Variants in LRP12 observed in about 807,000 individuals in gnomAD.
LRP12 encodes the protein low-density lipoprotein receptor-related protein 12.
A neutral mutation model predicts 66.0 loss-of-function variants in LRP12; 14 were observed. The observed-to-expected ratio is 0.21, with a 90% CI of 0.14 to 0.33. The LOEUF (loss-of-function observed/expected upper bound fraction) is 0.33. Among genes scored for constraint, LRP12 ranks in the 10% least tolerant of loss-of-function variants. LRP12 has a pLI of 1.00. For synonymous variants in LRP12, 357 were observed against 359.1 expected (o/e 0.99, Z 0.07); for missense variants, 889 against 1,053.4 (o/e 0.84, Z 2.16).
chr8:104,553,132 G>T (rs11996875), intron 1 of LRP12, among the ~76,000 whole-genome samples: 1,971 of 152,284 alleles, frequency 0.013, 48 homozygotes, highest in African/African-American at 0.044. Flanking sequence ...CCTTGGGGAG[G>T]GCTGCCAGTG....
At chr8:104,514,875 A>G (rs1327546864) in intron 2 of LRP12, among the ~76,000 whole-genome samples, 1 of 152,204 alleles carries the variant, frequency 6.6e-6, no homozygotes, top group Non-Finnish European at 1.5e-5. Context: ...ATGCCAAATC[A>G]GACTGGTTGG....
chr8:104,521,167 T>C (rs183860016), intron 2 of LRP12, among the ~76,000 whole-genome samples: 3 of 152,100 alleles, frequency 2.0e-5, no homozygotes, highest in Admixed American at 2.0e-4. Flanking sequence ...TACAGATATA[T>C]ACTTACTAGT....
intron 2 of LRP12, among the ~76,000 whole-genome samples, chr8:104,514,056 C>A (rs142125778): frequency 6.6e-6 from 1 of 152,078 alleles, no homozygotes; most frequent in African/African-American, 2.4e-5. Flanking sequence ...ATACTACAGG[C>A]GTTTTCAAGA....
intron 1 of LRP12, among the ~76,000 whole-genome samples, chr8:104,546,406 G>A (rs112850216): frequency 1.4e-4 from 21 of 152,088 alleles, no homozygotes; most frequent in African/African-American, 4.3e-4. Flanking sequence ...AATCAATCCC[G>A]CTCCCACACC....
intron 5 of LRP12, chr8:104,495,562 C>T (rs558701383): frequency 1.2e-5 from 2 of 163,802 alleles, no homozygotes; most frequent in African/African-American, 4.8e-5. Flanking sequence ...CAGCTGGGAT[C>T]TTTGACTCTT....
At chr8:104,568,267 G>A (rs533064785) in intron 1 of LRP12, among the ~76,000 whole-genome samples, 180 of 152,136 alleles carry the variant, frequency 1.2e-3, no homozygotes, top group African/African-American at 4.2e-3. Context: ...GCAAAAAACA[G>A]GTCAAAATGG....
intron 1 of LRP12, among the ~76,000 whole-genome samples, chr8:104,536,173 T>C (rs1811390638): frequency 6.6e-6 from 1 of 152,068 alleles, no homozygotes; most frequent in South Asian, 2.1e-4. Flanking sequence ...CTTCTAAATC[T>C]TTACCTCTTG....
chr8:104,541,348 C>T (rs566353047), intron 1 of LRP12, among the ~76,000 whole-genome samples: 1 of 152,162 alleles, frequency 6.6e-6, no homozygotes, highest in Non-Finnish European at 1.5e-5. Flanking sequence ...AAAGAGCTCA[C>T]AACATAAACT....
chr8:104,556,387 C>T lies in LRP12; in HGVS notation c.80-24424G>A, dbSNP rs2140884060. On this transcript the variant is annotated intron_variant, in intron 1 of 6. Coordinates refer to ENST00000276654, the MANE Select transcript of LRP12 (RefSeq NM_013437.5). ...TCTTTGAAAAGATAAATAAAATTAA[C>T]AGACCATCAGTGAGATTAAGCAAGA... Among the ~76,000 whole-genome samples, 4 of 152,108 alleles carry T rather than the reference C, an allele frequency of 2.6e-5. 1 individual carries two copies. The highest frequency in any genetic ancestry group is 2.6e-4 in the Admixed American group (4 of 15,260).
At chr8:104,561,369 C>A (rs1046768718) in intron 1 of LRP12, among the ~76,000 whole-genome samples, 16 of 152,132 alleles carry the variant, frequency 1.1e-4, no homozygotes, top group Non-Finnish European at 1.8e-4. Context: ...AGCAATAGGT[C>A]CAGGTAGGGC....
At chr8:104,548,183 A>AATATATAAT (rs1554709897) in intron 1 of LRP12, among the ~76,000 whole-genome samples, 20 of 95,590 alleles carry the variant, frequency 2.1e-4, no homozygotes, top group Non-Finnish European at 3.5e-4. Flanking sequence ...TATAATATAT[A>AATATATAAT]ATATATATAT....
intron 1 of LRP12, among the ~76,000 whole-genome samples, chr8:104,572,824 T>A (rs1038798196): frequency 6.6e-6 from 1 of 152,048 alleles, no homozygotes; most frequent in African/African-American, 2.4e-5. Flanking sequence ...GCTTTTAGAG[T>A]AGAGTTCAAA....
chr8:104,547,900 A>G (rs1272511581), intron 1 of LRP12, among the ~76,000 whole-genome samples: 1 of 128,478 alleles, frequency 7.8e-6, no homozygotes, highest in African/African-American at 2.9e-5. Context: ...TATATAATAT[A>G]CAATTCTGTT....
At chr8:104,548,466 AT>A (rs1465653901) in intron 1 of LRP12, among the ~76,000 whole-genome samples, 39 of 122,468 alleles carry the variant, frequency 3.2e-4, no homozygotes, top group African/African-American at 1.2e-3. Context: ...TGTATCTAAT[AT>A]ATAATTCTAT....
chr8:104,501,724 T>C (rs1427888641), intron 3 of LRP12, among the ~76,000 whole-genome samples: 1 of 151,910 alleles, frequency 6.6e-6, no homozygotes, highest in Non-Finnish European at 1.5e-5. Context: ...AAAAAATGGA[T>C]TCAAGTCCTT....
chr8:104,495,489 T>C, intron 5 of LRP12: 1 of 285,030 alleles, frequency 3.5e-6, no homozygotes, highest in South Asian at 9.7e-5. Context: ...GGAGAAATAA[T>C]ACAAGATTTA....
At chr8:104,555,658 C>T (rs1811796345) in intron 1 of LRP12, among the ~76,000 whole-genome samples, 1 of 151,996 alleles carries the variant, frequency 6.6e-6, no homozygotes, top group Non-Finnish European at 1.5e-5. Context: ...CTCAAATTTA[C>T]AAAACAATTA....
At chr8:104,576,240 G>T (rs1429776685) in intron 1 of LRP12, among the ~76,000 whole-genome samples, 1 of 152,146 alleles carries the variant, frequency 6.6e-6, no homozygotes, top group Non-Finnish European at 1.5e-5. Flanking sequence ...AGCTAGAGAA[G>T]CCAACGTTCA....
At chr8:104,506,765 T>C (rs1286488154) in intron 3 of LRP12, 1 of 152,136 alleles carries the variant, frequency 6.6e-6, no homozygotes, top group Non-Finnish European at 1.5e-5. Context: ...TTGTTGATTA[T>C]AGTGGGTTCC....
Sources: gnomAD v4.1 joint callset for allele counts (sites outside exome capture counted in the v4.1 genomes callset) on GRCh38, gnomAD v4.1.1 for gene constraint, MANE v1.5 for transcripts, NCBI Gene and HGNC (gene_info 2026-07-23, HGNC 2026-07-21) for gene names.